Variants in ABCA12 observed in about 807,000 individuals in gnomAD.
ABCA12 encodes the protein glucosylceramide transporter ABCA12.
ABCA12 carries 156 observed loss-of-function variants against 293.5 expected under a neutral mutation model. That is an observed-to-expected ratio of 0.53 (90% CI 0.47 to 0.61). ABCA12 has a LOEUF of 0.61. ABCA12 is among the 20% of genes least tolerant of loss of function. ABCA12 has a pLI of 0.00. For missense variants in ABCA12, 2,797 were observed against 3,090.2 expected, an observed-to-expected ratio of 0.91 and a Z score of 2.25; for synonymous variants, 1,063 against 1,108.0, an observed-to-expected ratio of 0.96 and a Z score of 0.81.
intron 2 of ABCA12, among the ~76,000 whole-genome samples, chr2:215,065,418 G>T (rs1443160795): frequency 6.6e-6 from 1 of 151,240 alleles, no homozygotes; most frequent in African/African-American, 2.4e-5. Context: ...AGAGCAACAT[G>T]GCCATGCATT....
At chr2:215,109,585 T>C (rs532336463) in intron 2 of ABCA12, among the ~76,000 whole-genome samples, 2 of 152,330 alleles carry the variant, frequency 1.3e-5, no homozygotes, top group East Asian at 1.9e-4. Flanking sequence ...AATAGGTCCA[T>C]AGCAAAAAGT....
intron 47 of ABCA12, chr2:214,947,952 G>A: frequency 3.8e-6 from 1 of 261,780 alleles, no homozygotes. Flanking sequence ...TGAGGGGTGA[G>A]TTGTCACAAA....
At chr2:215,040,833 A>G (rs1701085042) in intron 7 of ABCA12, among the ~76,000 whole-genome samples, 1 of 152,010 alleles carries the variant, frequency 6.6e-6, no homozygotes, top group South Asian at 2.1e-4. Flanking sequence ...AAAAAAACAA[A>G]AAAACAAAAT....
intron 37 of ABCA12, 66 bp downstream of exon 37, chr2:214,970,206 CT>C (rs2105951628): frequency 1.3e-6 from 2 of 1,485,160 alleles, no homozygotes; most frequent in Admixed American, 2.0e-5. Flanking sequence ...TATCTATTGT[CT>C]CTTTAGAAGG....
intron 3 of ABCA12, among the ~76,000 whole-genome samples, chr2:215,055,778 G>A (rs769603358): frequency 6.6e-6 from 1 of 151,788 alleles, no homozygotes; most frequent in African/African-American, 2.4e-5. Flanking sequence ...TGTACTTTTT[G>A]CTCCAAAAGT....
Position 215,074,932 on chromosome 2 carries a change from A to G in ABCA12, c.164-10713T>C, listed in dbSNP as rs376600199. Among the ~76,000 whole-genome samples, 8 of 152,012 alleles carry G rather than the reference A, an allele frequency of 5.3e-5. 1 individual carries two copies. The highest frequency in any genetic ancestry group is 1.7e-4 in the African/African-American group (7 of 41,368). On this transcript the variant is annotated intron_variant, in intron 2 of 52. Transcript: ENST00000272895. ...ACTCAAGCCTGGGTGACAGAGCAAG[A>G]CTCTGTCTCAAAAAATAAAAATAAA...
At chr2:215,012,189 T>C in intron 15 of ABCA12, 54 bp from the exon 16 acceptor site, 1 of 1,552,220 alleles carries the variant, frequency 6.4e-7, no homozygotes, top group Non-Finnish European at 8.9e-7. Context: ...TGAATCCTCA[T>C]GCATTGTTGG....
intron 1 of ABCA12, among the ~76,000 whole-genome samples, chr2:215,113,701 GA>G (rs1271818438): frequency 6.6e-6 from 1 of 151,836 alleles, no homozygotes; most frequent in Non-Finnish European, 1.5e-5. Flanking sequence ...TTGAATGGGA[GA>G]AAAAAAGATT....
intron 49 of ABCA12, 51 bp downstream of exon 49, chr2:214,944,950 C>T (rs954429427): frequency 6.8e-6 from 10 of 1,471,902 alleles, no homozygotes; most frequent in Non-Finnish European, 9.5e-6. Context: ...CTTTTCCCAC[C>T]TGTCATCCTA....
At chr2:215,108,514 C>T (rs1025003421) in intron 2 of ABCA12, among the ~76,000 whole-genome samples, 28 of 152,064 alleles carry the variant, frequency 1.8e-4, no homozygotes, top group Admixed American at 1.8e-3. Context: ...TTAACGGTAC[C>T]ATCTTGGTCA....
chr2:214,992,102 G>A (rs1438443584), intron 23 of ABCA12, among the ~76,000 whole-genome samples: 2 of 152,048 alleles, frequency 1.3e-5, no homozygotes, highest in East Asian at 1.9e-4. Context: ...TTTGTGACAT[G>A]TACTTTGGGG....
chr2:215,137,176 A>G (rs1575067984), intron 1 of ABCA12, among the ~76,000 whole-genome samples: 1 of 152,144 alleles, frequency 6.6e-6, no homozygotes, highest in East Asian at 1.9e-4. Context: ...ATGAACATCT[A>G]CTTCCTCCTC....
chr2:214,951,136 A>C, intron 44 of ABCA12, 53 bp from the exon 45 acceptor site: 1 of 1,512,686 alleles, frequency 6.6e-7, no homozygotes, highest in Admixed American at 1.7e-5. Flanking sequence ...GACAGCATTC[A>C]ATTTTGACAT....
chr2:215,131,536 T>C (rs926556532), intron 1 of ABCA12, among the ~76,000 whole-genome samples: 1 of 151,976 alleles, frequency 6.6e-6, no homozygotes, highest in Non-Finnish European at 1.5e-5. Context: ...GTATTCACAG[T>C]AGTCTTTGAT....
Position 214,949,149 on chromosome 2 carries a change from A to T in ABCA12, c.6853T>A (p.Cys2285Ser). Residue 2285 changes from cysteine to serine, a missense_variant and splice_region_variant, in exon 46 of 53, where the codon TGT becomes AGT. This residue lies in a region of ABCA12 where 2,130 missense variants were observed against 2,427.0 expected (regional missense o/e 0.88). Coordinates refer to ENST00000272895, the MANE Select transcript of ABCA12 (RefSeq NM_173076.3). ...NISIGIPAGE[C>S]FGLLGVNGAG... Reference sequence around the variant, plus strand: ...CCATTCACTCCAAGAAGCCCAAAACACTGGTTTGAGGGAGAAAAAGAAGAT... The same window carrying T: ...CCATTCACTCCAAGAAGCCCAAAACTCTGGTTTGAGGGAGAAAAAGAAGAT... The T allele has an allele frequency of 2.5e-6, 4 of 1,612,004 alleles. No homozygotes were observed. Among genetic ancestry groups the T allele is most frequent in the Non-Finnish European group, 3.4e-6 (4 of 1,178,264 alleles).
intron 14 of ABCA12, chr2:215,017,727 T>C (rs933276000): frequency 1.2e-4 from 44 of 379,078 alleles, no homozygotes; most frequent in Non-Finnish European, 2.0e-4. Flanking sequence ...TGCAAGCTCA[T>C]TGATTGAGGA....
Position 215,031,852 on chromosome 2 carries a change from G to A in ABCA12, c.1030C>T (p.Gln344Ter). The A allele has an allele frequency of 1.9e-6, 3 of 1,613,952 alleles. No individual in the cohort carries two copies. The highest frequency in any genetic ancestry group is 2.5e-6 in the Non-Finnish European group (3 of 1,179,944). ...ITHVWNEDDG[Q>*]TLSPSSLAAQ... ...GCCAGACTGCTTGGAGATAAGGTCT[G>A]TCCATCATCCTCATTCCACACATGC... Residue 344 changes from glutamine to a stop codon, truncating the protein, a stop_gained, in exon 9 of 53, where the codon CAG (glutamine) becomes TAG (stop). Transcript: ENST00000272895. LOFTEE classifies it high-confidence loss of function.
At position 214,968,804 on chromosome 2, in the gene ABCA12, A is replaced by C; in HGVS notation, c.5694T>G (p.Tyr1898Ter). 1 of 1,612,628 alleles carries C rather than the reference A, an allele frequency of 6.2e-7. No homozygotes were observed. The highest frequency in any genetic ancestry group is 8.5e-7 in the Non-Finnish European group (1 of 1,178,750). ...AAGGCAGCCCAAAACTCCAACCTCC[A>C]TATCTACAGAGAGTAATAAAAATAT... ...STANEFVQKRYGGWSFGLPLT... is the reference protein window; with the variant it reads ...STANEFVQKR The change falls in exon 38 of 53, where the codon TAT (tyrosine) becomes TAG (stop). Residue 1898 changes from tyrosine to a stop codon, truncating the protein, a stop_gained. Transcript: ENST00000272895. LOFTEE classifies it high-confidence loss of function.
At position 215,049,761 on chromosome 2, in the gene ABCA12, G is replaced by A. The variant is rs1284103544; in HGVS notation, c.558C>T (p.Asp186=). The part of the protein sequence containing the change: ...TSEDIRRELC[D]SYSGYIVDDA... Reference sequence around the variant, plus strand: ...CATCCACAATGTATCCTGAATAGCTGTCACATAGTTCTCTTCGTATATCTT... The same window carrying A: ...CATCCACAATGTATCCTGAATAGCTATCACATAGTTCTCTTCGTATATCTT... Residue 186 remains aspartate (D), a synonymous_variant, in exon 6 of 53, where the codon GAC becomes GAT. Coordinates refer to ENST00000272895, the MANE Select transcript of ABCA12 (RefSeq NM_173076.3). The A allele has an allele frequency of 1.2e-6, 2 of 1,613,490 alleles. No individual in the cohort carries two copies. The highest frequency in any genetic ancestry group is 8.5e-7 in the Non-Finnish European group (1 of 1,179,726).
Sources: allele counts gnomAD v4.1 joint callset (sites outside exome capture counted in the v4.1 genomes callset), GRCh38; gene constraint gnomAD v4.1.1; regional missense constraint gnomAD v4.1.1; transcripts MANE v1.5; gene names NCBI Gene and HGNC (gene_info 2026-07-23, HGNC 2026-07-21).